Variants in EBAG9 observed in about 807,000 individuals in gnomAD.
EBAG9 encodes the protein receptor-binding cancer antigen expressed on SiSo cells.
EBAG9 carries 16 observed loss-of-function variants against 30.9 expected under a neutral mutation model. That is an observed-to-expected ratio of 0.52 (90% CI 0.35 to 0.79). EBAG9 has a LOEUF of 0.79. EBAG9 is among the 30% of genes least tolerant of loss of function. The probability of loss-of-function intolerance (pLI) is 0.01; values close to 1 mark genes in which losing one functional copy is unlikely to be tolerated. For missense variants in EBAG9, 197 were observed against 242.1 expected, an observed-to-expected ratio of 0.81 and a Z score of 1.24; for synonymous variants, 93 against 82.8, an observed-to-expected ratio of 1.12 and a Z score of -0.67.
At chr8:109,554,195 G>A (rs574533706) in intron 3 of EBAG9, among the ~76,000 whole-genome samples, 76 of 152,260 alleles carry the variant, frequency 5.0e-4, no homozygotes, top group African/African-American at 1.7e-3. Flanking sequence ...TTTTATAATA[G>A]CTATTTTAAA....
intron 6 of EBAG9, 51 bp downstream of exon 6, chr8:109,560,980 TC>T: frequency 1.3e-6 from 2 of 1,505,356 alleles, no homozygotes; most frequent in Non-Finnish European, 1.8e-6. Flanking sequence ...CTAGATTTCT[TC>T]CCTGCTGTGT....
In EBAG9 at chr8:109,560,884, G is replaced by GGGA. The variant is rs1563657935; in HGVS notation, c.477_479dup (p.Glu163dup). On this transcript the variant is annotated inframe_insertion, in exon 6 of 7. Coordinates refer to ENST00000337573, the MANE Select transcript of EBAG9 (RefSeq NM_004215.5). ...ACCTGGCAGGAAAATACCAATGCATGGGAAGAAGAAGAAGATGCAGCCTGG... is the reference window on the plus strand; with the variant it reads ...ACCTGGCAGGAAAATACCAATGCATGGGAGGAAGAAGAAGAAGATGCAGCCTGG... The GGGA allele has an allele frequency of 6.2e-7, 1 of 1,613,104 alleles. No homozygotes were observed. The highest frequency in any genetic ancestry group is 1.1e-5 in the South Asian group (1 of 91,006).
At chr8:109,558,455 C>T (rs1389158867) in intron 5 of EBAG9, among the ~76,000 whole-genome samples, 1 of 152,062 alleles carries the variant, frequency 6.6e-6, no homozygotes, top group Non-Finnish European at 1.5e-5. Flanking sequence ...TTATATATCT[C>T]AAAATTAAAT....
chr8:109,547,888 T>A (rs1483858360), intron 1 of EBAG9, among the ~76,000 whole-genome samples: 1 of 152,238 alleles, frequency 6.6e-6, no homozygotes, highest in Non-Finnish European at 1.5e-5. Context: ...ATTCTGGGTT[T>A]AAGTCCCTTA....
At chr8:109,551,339 T>A (rs73700651) in intron 2 of EBAG9, among the ~76,000 whole-genome samples, 3,966 of 148,830 alleles carry the variant, frequency 0.027, 104 homozygotes, top group African/African-American at 0.073. Flanking sequence ...AAAAAAAAAA[T>A]TTTTTTTTCT....
rs1317306383 is a variant in EBAG9, at chr8:109,554,862, C to G, written c.296C>G (p.Thr99Arg). The stretch of plus-strand genomic sequence containing the variant: ...GAACCTGACTATTTTAAGGACATGA[C>G]ACCAACTATTAGGAAAACTCAGAAA... ...QLEPDYFKDM[T>R]PTIRKTQKIV... Residue 99 changes from threonine (T) to arginine (R), a missense_variant, in exon 4 of 7, where the codon ACA becomes AGA. Coordinates refer to ENST00000337573, the MANE Select transcript of EBAG9 (RefSeq NM_004215.5). 1 of 1,613,412 alleles carries G rather than the reference C, an allele frequency of 6.2e-7. No individual in the cohort carries two copies. Among genetic ancestry groups the G allele is most frequent in the Admixed American group, 1.7e-5 (1 of 59,932 alleles).
intron 6 of EBAG9, 65 bp downstream of exon 6, chr8:109,560,994 C>T (rs1821700226): frequency 2.1e-6 from 3 of 1,400,726 alleles, no homozygotes; most frequent in Non-Finnish European, 3.0e-6. Flanking sequence ...TGCTGTGTTT[C>T]AAGTCAAGGG....
chr8:109,555,959 A>G (rs1224286019), intron 4 of EBAG9, among the ~76,000 whole-genome samples: 1 of 152,082 alleles, frequency 6.6e-6, no homozygotes, highest in Non-Finnish European at 1.5e-5. Context: ...AGTGTTTGTC[A>G]TCGTATCTAT....
At chr8:109,563,913 G>A (rs1056081646) in intron 6 of EBAG9, among the ~76,000 whole-genome samples, 1 of 151,976 alleles carries the variant, frequency 6.6e-6, no homozygotes, top group African/African-American at 2.4e-5. Context: ...AATTTACTTG[G>A]TGGAAGGTGT....
chr8:109,545,521 C>T (rs1821367078), intron 1 of EBAG9, among the ~76,000 whole-genome samples: 1 of 151,632 alleles, frequency 6.6e-6, no homozygotes, highest in South Asian at 2.1e-4. Context: ...TGTGCCACCG[C>T]ACCTGGCTAA....
chr8:109,557,755 A>G (rs1241693462), intron 5 of EBAG9: 8 of 452,478 alleles, frequency 1.8e-5, no homozygotes, highest in Non-Finnish European at 3.1e-5. Context: ...TGGGGCTACA[A>G]TCATCTGAAG....
intron 1 of EBAG9, among the ~76,000 whole-genome samples, chr8:109,549,793 C>G (rs920486720): frequency 1.3e-5 from 2 of 152,016 alleles, no homozygotes; most frequent in Admixed American, 6.6e-5. Context: ...TAATTGACCC[C>G]TTTATCACTG....
At chr8:109,540,809 A>G (rs1360669584) in intron 1 of EBAG9, 1 of 152,186 alleles carries the variant, frequency 6.6e-6, no homozygotes, top group Non-Finnish European at 1.5e-5. Flanking sequence ...GATATTCTGG[A>G]CTGTACTAGA....
intron 1 of EBAG9, chr8:109,540,821 C>G (rs527492566): frequency 2.0e-5 from 3 of 152,216 alleles, no homozygotes; most frequent in African/African-American, 7.2e-5. Flanking sequence ...TGTACTAGAT[C>G]ATATGGTTTT....
intron 4 of EBAG9, among the ~76,000 whole-genome samples, chr8:109,556,474 T>C (rs1821599927): frequency 6.6e-6 from 1 of 152,128 alleles, no homozygotes; most frequent in South Asian, 2.1e-4. Context: ...ATTGCTATAG[T>C]GCCTTATTAA....
At chr8:109,542,426 T>G (rs1295258577) in intron 1 of EBAG9, among the ~76,000 whole-genome samples, 1 of 152,194 alleles carries the variant, frequency 6.6e-6, no homozygotes, top group Non-Finnish European at 1.5e-5. Context: ...TTTATGAAAT[T>G]TATTCTCAAC....
intron 6 of EBAG9, among the ~76,000 whole-genome samples, chr8:109,564,155 G>A (rs938126196): frequency 1.3e-5 from 2 of 152,038 alleles, no homozygotes; most frequent in African/African-American, 2.4e-5. Context: ...TCTTATCCCT[G>A]TACTTAATCC....
chr8:109,549,595 G>A (rs1821453597), intron 1 of EBAG9, among the ~76,000 whole-genome samples: 1 of 151,960 alleles, frequency 6.6e-6, no homozygotes, highest in Non-Finnish European at 1.5e-5. Context: ...TTAGTAATTT[G>A]TGTCTTTCAG....
At position 109,564,540 on chromosome 8, in the gene EBAG9, T is replaced by C; in HGVS notation, c.623T>C (p.Ile208Thr). 6.2e-7 allele frequency: 1 copy of C among 1,611,628 alleles called. No individual in the cohort carries two copies. Among genetic ancestry groups the C allele is most frequent in the Non-Finnish European group, 8.5e-7 (1 of 1,178,330 alleles). Reference sequence around the variant, plus strand: ...CTAATGAAGAAGGAACAAAACAAAATTGGTGTGAAACTTTCATAACACATG... The same window carrying C: ...CTAATGAAGAAGGAACAAAACAAAACTGGTGTGAAACTTTCATAACACATG... The part of the protein sequence containing the change: ...QRLMKKEQNK[I>T]GVKLS The change falls in exon 7 of 7, where the codon ATT becomes ACT. Residue 208 changes from isoleucine (I) to threonine (T), a missense_variant. By Grantham distance (89) the Ile-to-Thr change is moderately conservative. Transcript: ENST00000337573.
Sources: allele counts gnomAD v4.1 joint callset (sites outside exome capture counted in the v4.1 genomes callset), GRCh38; gene constraint gnomAD v4.1.1; transcripts MANE v1.5; gene names NCBI Gene and HGNC (gene_info 2026-07-23, HGNC 2026-07-21).